The following PDE1C variants were observed in gnomAD, a reference collection of about 807,000 sequenced individuals.
PDE1C encodes the protein phosphodiesterase 1C, also known as dual specificity calcium/calmodulin-dependent 3',5'-cyclic nucleotide phosphodiesterase 1C.
PDE1C carries 62 observed loss-of-function variants against 93.1 expected under a neutral mutation model. That is an observed-to-expected ratio of 0.67 (90% confidence interval 0.54 to 0.82). The LOEUF (loss-of-function observed/expected upper bound fraction) is 0.82, where lower values mean the gene tolerates loss of function less well. Ranked by LOEUF, PDE1C falls within the 40% of genes least tolerant of loss-of-function variation. The pLI is 0.00. For missense variants in PDE1C, 742 were observed against 884.6 expected, an observed-to-expected ratio of 0.84 and a Z score of 2.04; for synonymous variants, 325 against 310.1, an observed-to-expected ratio of 1.05 and a Z score of -0.50.
intron 1 of PDE1C, among the ~76,000 whole-genome samples, chr7:32,396,003 G>C (rs1784834510): frequency 6.6e-6 from 1 of 152,050 alleles, no homozygotes; most frequent in African/African-American, 2.4e-5. Flanking sequence ...TAATTTAAAA[G>C]TGAACGCAAT....
the PDE1C span, among the ~76,000 whole-genome samples, chr7:31,745,526 G>A: frequency 6.6e-6 from 1 of 152,222 alleles, no homozygotes; most frequent in Non-Finnish European, 1.5e-5. Flanking sequence ...TGAGCATGAT[G>A]AGGAGTAATC....
At chr7:32,405,106 G>A (rs938369634) in intron 1 of PDE1C, among the ~76,000 whole-genome samples, 1 of 152,066 alleles carries the variant, frequency 6.6e-6, no homozygotes, top group African/African-American at 2.4e-5. Flanking sequence ...TACCTCTTCT[G>A]TTGTACAGTA....
intron 16 of PDE1C, among the ~76,000 whole-genome samples, chr7:31,804,133 G>A (rs1204491490): frequency 2.6e-5 from 4 of 151,740 alleles, no homozygotes; most frequent in Non-Finnish European, 4.4e-5. Flanking sequence ...TGTACTCTAT[G>A]TATATCCTTG....
intron 3 of PDE1C, among the ~76,000 whole-genome samples, chr7:32,095,937 C>T (rs1797727962): frequency 6.6e-6 from 1 of 152,178 alleles, no homozygotes; most frequent in Non-Finnish European, 1.5e-5. Flanking sequence ...CGACCCCATG[C>T]TTAGGCCAAT....
Position 31,823,041 on chromosome 7 carries a change from G to C in PDE1C, c.1582+32C>G, listed in dbSNP as rs1004082152. On this transcript the variant is annotated intron_variant, in intron 14 of 17. Coordinates refer to ENST00000396191, the MANE Select transcript of PDE1C (RefSeq NM_001191057.4). Reference sequence around the variant, plus strand: ...AGAGAGGACAACCTTGTTTTATGCTGAATTGGTTTGGACAGGTCTGTGGCA... The same window carrying C: ...AGAGAGGACAACCTTGTTTTATGCTCAATTGGTTTGGACAGGTCTGTGGCA... The C allele has an allele frequency of 1.9e-6, 3 of 1,541,906 alleles. No homozygotes were observed. In the Admixed American group the frequency reaches 6.0e-5, roughly 31 times the overall value.
At chr7:31,642,069 C>A in the PDE1C span, 1 of 597,186 alleles carries the variant, frequency 1.7e-6, no homozygotes, top group Non-Finnish European at 2.8e-6. Context: ...ACACAGTGGG[C>A]ATTTCTGCAG....
intron 16 of PDE1C, among the ~76,000 whole-genome samples, chr7:31,795,348 AT>A (rs999878699): frequency 6.6e-6 from 1 of 151,748 alleles, no homozygotes; most frequent in Non-Finnish European, 1.5e-5. Flanking sequence ...ACAAAATATC[AT>A]TTTTTTCCAG....
chr7:31,720,836 T>C, the PDE1C span, among the ~76,000 whole-genome samples: 1 of 152,244 alleles, frequency 6.6e-6, no homozygotes, highest in Admixed American at 6.5e-5. Flanking sequence ...TGATACTTTT[T>C]AGTACCTTAA....
rs183468504 is a variant in PDE1C, at chr7:32,139,383, T to G, written c.308+30402A>C. 2.2e-4 allele frequency among the ~76,000 whole-genome samples: 33 copies of G among 146,762 alleles called. No individual in the cohort carries two copies. In the East Asian group the frequency reaches 6.6e-3, roughly 29 times the overall value. ...TCTCAAATCAATCATTCTTTAGACA[T>G]GATTTAGTGAGAGTCCTTCAAACTC... On this transcript the variant is annotated intron_variant, in intron 3 of 18. Transcript: ENST00000396193.
chr7:32,119,739 C>G (rs1799191703), intron 3 of PDE1C, among the ~76,000 whole-genome samples: 1 of 152,290 alleles, frequency 6.6e-6, no homozygotes, highest in Non-Finnish European at 1.5e-5. Flanking sequence ...GAGCCTGCTA[C>G]CCAGCCATGC....
intron 2 of PDE1C, among the ~76,000 whole-genome samples, chr7:31,949,822 T>C (rs914302179): frequency 6.6e-6 from 1 of 152,198 alleles, no homozygotes; most frequent in Admixed American, 6.5e-5. Flanking sequence ...GCCTGATAAA[T>C]GAACTAGATA....
chr7:31,764,615 T>G (rs890690658), intron 17 of PDE1C, among the ~76,000 whole-genome samples: 1 of 152,198 alleles, frequency 6.6e-6, no homozygotes, highest in Non-Finnish European at 1.5e-5. Context: ...TAAGACACGT[T>G]GCGTTTATTA....
In PDE1C at chr7:32,128,904, CAAAT is replaced by C. The variant is rs1449351543; in HGVS notation, c.308+40877_308+40880del. 1.6e-3 allele frequency among the ~76,000 whole-genome samples: 65 copies of C among 40,784 alleles called. 1 individual carries two copies. The highest frequency in any genetic ancestry group is 5.4e-3 in the African/African-American group (62 of 11,400). The allele number at this position is 40,784 out of a possible 152,430, so 26.8% of individuals were successfully genotyped here. On this transcript the variant is annotated intron_variant, in intron 3 of 18. Coordinates refer to the PDE1C transcript ENST00000396193. ...ATGTACCCTAGAACTTAAAGTATAA[CAAAT>C]ATATATATATATATATATATATATA...
intron 3 of PDE1C, among the ~76,000 whole-genome samples, chr7:32,109,443 A>G (rs1437978802): frequency 6.6e-6 from 1 of 152,182 alleles, no homozygotes; most frequent in South Asian, 2.1e-4. Flanking sequence ...CTGAATCAGG[A>G]TTTCTCAGCC....
At chr7:31,970,954 C>G (rs9768747) in intron 2 of PDE1C, among the ~76,000 whole-genome samples, 5,924 of 152,056 alleles carry the variant, frequency 0.039, 403 homozygotes, top group African/African-American at 0.14. Context: ...ACCAGCCTGA[C>G]CAACATGATG....
In PDE1C at chr7:31,795,867, TTAA is replaced by T. The variant is rs139832799; in HGVS notation, c.1891+13161_1891+13163del. 4.1e-3 allele frequency among the ~76,000 whole-genome samples: 621 copies of T among 151,742 alleles called. 3 individuals carry two copies. The highest frequency in any genetic ancestry group is 0.014 in the African/African-American group (589 of 41,454). On this transcript the variant is annotated intron_variant, in intron 16 of 17. Coordinates refer to ENST00000396191, the MANE Select transcript of PDE1C (RefSeq NM_001191057.4). ...TATGTTGGGTTAAAACATCACTGAA[TTAA>T]TAATAACTCTCATGGTTGGGTCAAC...
At chr7:32,271,494 C>T (rs895959132) in intron 1 of PDE1C, among the ~76,000 whole-genome samples, 17 of 151,828 alleles carry the variant, frequency 1.1e-4, no homozygotes, top group Non-Finnish European at 2.4e-4. Context: ...ACGATCATAT[C>T]CAAAATAGGA....
chr7:32,299,400 C>T, upstream of PDE1C: 3 of 985,604 alleles, frequency 3.0e-6, no homozygotes, highest in Non-Finnish European at 3.6e-6. Flanking sequence ...GATAGTGTTT[C>T]TTCTCCACTG....
chr7:31,650,504 G>A, the PDE1C span, among the ~76,000 whole-genome samples: 1 of 152,142 alleles, frequency 6.6e-6, no homozygotes, highest in Non-Finnish European at 1.5e-5. Context: ...AGGAGCAATG[G>A]GAAGGATTAA....
Sources: allele counts gnomAD v4.1 joint callset (sites outside exome capture counted in the v4.1 genomes callset), GRCh38; gene constraint gnomAD v4.1.1; transcripts MANE v1.5; gene names NCBI Gene and HGNC (gene_info 2026-07-23, HGNC 2026-07-21).